The following RORA variants were observed in gnomAD, a reference collection of about 807,000 sequenced individuals.
RORA encodes RAR related orphan receptor A, also known as nuclear receptor ROR-alpha.
RORA carries 7 observed loss-of-function variants against 69.5 expected under a neutral mutation model. The observed-to-expected ratio is 0.10, with a 90% CI of 0.06 to 0.19. RORA has a LOEUF of 0.19. RORA is among the 10% of genes least tolerant of loss of function. RORA has a pLI of 1.00. For missense variants in RORA, 457 were observed against 663.0 expected, an observed-to-expected ratio of 0.69 and a Z score of 3.41; for synonymous variants, 261 against 240.8, an observed-to-expected ratio of 1.08 and a Z score of -0.78.
intron 1 of RORA, among the ~76,000 whole-genome samples, chr15:60,915,672 C>T (rs1891852575): frequency 6.6e-6 from 1 of 152,154 alleles, no homozygotes; most frequent in Non-Finnish European, 1.5e-5. Flanking sequence ...TAAATAGCCA[C>T]ATGTGGCTAT....
chr15:60,742,705 C>T (rs901555008), intron 1 of RORA, among the ~76,000 whole-genome samples: 3 of 152,140 alleles, frequency 2.0e-5, no homozygotes, highest in African/African-American at 7.2e-5. Context: ...TTTAAGATTC[C>T]ACATATAAGT....
intron 1 of RORA, among the ~76,000 whole-genome samples, chr15:61,221,706 C>T (rs1157094384): frequency 2.6e-5 from 4 of 152,164 alleles, no homozygotes; most frequent in East Asian, 1.9e-4. Flanking sequence ...AACCCTCCCC[C>T]GAAGTAAGCT....
chr15:60,967,172 T>C (rs1457390313), intron 1 of RORA, among the ~76,000 whole-genome samples: 3 of 152,236 alleles, frequency 2.0e-5, no homozygotes, highest in East Asian at 1.9e-4. Context: ...TGTATATAGA[T>C]ACTTAAATAT....
At chr15:60,943,644 G>A in intron 1 of RORA, among the ~76,000 whole-genome samples, 1 of 151,946 alleles carries the variant, frequency 6.6e-6, no homozygotes, top group Admixed American at 6.6e-5. Flanking sequence ...GGCTGGGCAT[G>A]GTGGCTCATG....
chr15:60,704,443 G>A (rs2071031322), intron 1 of RORA, among the ~76,000 whole-genome samples: 1 of 149,976 alleles, frequency 6.7e-6, no homozygotes, highest in Non-Finnish European at 1.5e-5. Flanking sequence ...TGGGGCCGAG[G>A]AAGCTGAGAT....
In RORA at chr15:60,621,372, G is replaced by A. The variant is rs142840569; in HGVS notation, c.196+57285C>T. ...CCCAGAGAAGCTCATAGTCCACTGC[G>A]GAGCCAGAGAGTAAATTGTTGCTAT... On this transcript the variant is annotated intron_variant, in intron 2 of 10. Coordinates refer to ENST00000335670, the MANE Select transcript of RORA (RefSeq NM_134261.3). 6.6e-5 allele frequency among the ~76,000 whole-genome samples: 10 copies of A among 152,192 alleles called. No individual in the cohort carries two copies. In the South Asian group the frequency reaches 1.7e-3, roughly 25 times the overall value.
chr15:60,946,442 A>AT (rs1321280092), intron 1 of RORA, among the ~76,000 whole-genome samples: 5 of 151,910 alleles, frequency 3.3e-5, no homozygotes, highest in Non-Finnish European at 7.4e-5. Flanking sequence ...TGGTTTTCGT[A>AT]TTTTTTTGGT....
chr15:60,618,052 G>A (rs2069303653), intron 2 of RORA, among the ~76,000 whole-genome samples: 1 of 152,196 alleles, frequency 6.6e-6, no homozygotes, highest in African/African-American at 2.4e-5. Flanking sequence ...TATCAGTTAG[G>A]AATAGACTAC....
chr15:61,058,151 C>T (rs2280593), intron 1 of RORA, among the ~76,000 whole-genome samples: 4,342 of 152,030 alleles, frequency 0.029, 172 homozygotes, highest in African/African-American at 0.089. Flanking sequence ...GGAGCAAGAG[C>T]AAAGGAGGAG....
chr15:60,859,623 C>T (rs1041421513), intron 1 of RORA, among the ~76,000 whole-genome samples: 7 of 148,598 alleles, frequency 4.7e-5, no homozygotes, highest in Admixed American at 2.0e-4. Context: ...ACACGACACC[C>T]GGGTTTTTTT....
chr15:61,022,204 CATG>C (rs1895562368), intron 1 of RORA, among the ~76,000 whole-genome samples: 1 of 152,188 alleles, frequency 6.6e-6, no homozygotes, highest in Admixed American at 6.5e-5. Context: ...TCTATAAAAT[CATG>C]ATAACAAAAT....
Position 60,865,571 on chromosome 15 carries a change from G to A in RORA, c.167-186885C>T, listed in dbSNP as rs559478950. Among the ~76,000 whole-genome samples the A allele has an allele frequency of 7.9e-5, 12 of 152,288 alleles. No homozygotes were observed. The South Asian group carries it at 1.7e-3, about 21-fold the overall frequency. ...TTTCCAGGTGGTGCCAAGGGTGAGCGTCCTCTGTAGACACATGAAACTGAG... is the reference window on the plus strand; with the variant it reads ...TTTCCAGGTGGTGCCAAGGGTGAGCATCCTCTGTAGACACATGAAACTGAG... On this transcript the variant is annotated intron_variant, in intron 1 of 10. Coordinates refer to ENST00000335670, the MANE Select transcript of RORA (RefSeq NM_134261.3).
At chr15:60,760,905 A>G (rs1382976148) in intron 1 of RORA, among the ~76,000 whole-genome samples, 1 of 151,328 alleles carries the variant, frequency 6.6e-6, no homozygotes, top group Non-Finnish European at 1.5e-5. Context: ...ATTTGTAACC[A>G]CTGTGACTGG....
Position 60,910,111 on chromosome 15 carries a change from C to A in RORA, c.167-231425G>T, listed in dbSNP as rs746446274. Among the ~76,000 whole-genome samples, 31 of 152,140 alleles carry A rather than the reference C, an allele frequency of 2.0e-4. 1 individual carries two copies. Among genetic ancestry groups the A allele is most frequent in the Admixed American group, 2.6e-4 (4 of 15,282 alleles). Reference sequence around the variant, plus strand: ...ATAAAAAGCAAGTGGTGTTTTTGTCCATAGGATGTCCAGGTTCAGAGTCAG... The same window carrying A: ...ATAAAAAGCAAGTGGTGTTTTTGTCAATAGGATGTCCAGGTTCAGAGTCAG... On this transcript the variant is annotated intron_variant, in intron 1 of 10. Transcript: ENST00000335670.
At position 60,627,286 on chromosome 15, in the gene RORA, T is replaced by C. The variant is rs2069612621; in HGVS notation, c.196+51371A>G. 1 of 1,614,096 alleles carries C rather than the reference T, an allele frequency of 6.2e-7. No individual in the cohort carries two copies. The highest frequency in any genetic ancestry group is 1.1e-5 in the South Asian group (1 of 91,084). The stretch of plus-strand genomic sequence containing the variant: ...TGTGGGTGTGGCAGACATTCTGGCC[T>C]GTCCAGTTCGAAGACAATGACCCAT... On this transcript the variant is annotated intron_variant, in intron 2 of 10. Coordinates refer to ENST00000335670, the MANE Select transcript of RORA (RefSeq NM_134261.3).
intron 2 of RORA, among the ~76,000 whole-genome samples, chr15:60,667,495 C>T (rs1251980639): frequency 3.9e-5 from 6 of 152,052 alleles, no homozygotes; most frequent in East Asian, 1.9e-4. Context: ...CCTTGCAAGC[C>T]GAGAAGTTAA....
intron 1 of RORA, among the ~76,000 whole-genome samples, chr15:60,882,267 T>A (rs2140448360): frequency 6.6e-6 from 1 of 152,306 alleles, no homozygotes; most frequent in East Asian, 1.9e-4. Flanking sequence ...CTAGGGTATA[T>A]TTGGCAATGT....
chr15:60,891,027 C>A (rs1353714283), intron 1 of RORA, among the ~76,000 whole-genome samples: 4 of 152,086 alleles, frequency 2.6e-5, no homozygotes, highest in African/African-American at 9.7e-5. Flanking sequence ...TGGGAAGGAC[C>A]CACACCACAG....
chr15:60,508,938 T>A (rs56070617), intron 5 of RORA, among the ~76,000 whole-genome samples: 8,076 of 152,218 alleles, frequency 0.053, 732 homozygotes, highest in African/African-American at 0.18. Flanking sequence ...AAGGATGAAG[T>A]CATATTTTTC....
Sources: gnomAD v4.1 joint callset for allele counts (sites outside exome capture counted in the v4.1 genomes callset) on GRCh38, gnomAD v4.1.1 for gene constraint, MANE v1.5 for transcripts, NCBI Gene and HGNC (gene_info 2026-07-23, HGNC 2026-07-21) for gene names.